The following HKDC1 variants were observed in gnomAD, a reference collection of about 807,000 sequenced individuals.
HKDC1 encodes hexokinase domain containing 1.
HKDC1 carries 66 observed loss-of-function variants against 96.6 expected under a neutral mutation model. The observed-to-expected ratio is 0.68, with a 90% CI of 0.56 to 0.84. The LOEUF (loss-of-function observed/expected upper bound fraction) is 0.84. HKDC1 is among the 40% of genes least tolerant of loss of function. The probability of loss-of-function intolerance (pLI) is 0.00; values close to 1 mark genes in which losing one functional copy is unlikely to be tolerated. For missense variants in HKDC1, 1,211 were observed against 1,208.1 expected, an observed-to-expected ratio of 1.00 and a Z score of -0.04; for synonymous variants, 466 against 473.1, an observed-to-expected ratio of 0.98 and a Z score of 0.20.
chr10:69,263,947 G>T (rs1370911385), intron 16 of HKDC1, among the ~76,000 whole-genome samples: 1 of 152,238 alleles, frequency 6.6e-6, no homozygotes, highest in East Asian at 1.9e-4. Flanking sequence ...GGCCAAGGCA[G>T]GCAGATCACC....
intron 12 of HKDC1, among the ~76,000 whole-genome samples, chr10:69,251,087 C>CT (rs869084452): frequency 0.16 from 14,661 of 92,534 alleles, 1,604 homozygotes; most frequent in Non-Finnish European, 0.22. Context: ...AAATACATTT[C>CT]TTTTTTTTTT....
At chr10:69,241,346 G>A (rs1404957770) in intron 6 of HKDC1, among the ~76,000 whole-genome samples, 2 of 152,190 alleles carry the variant, frequency 1.3e-5, no homozygotes, top group South Asian at 2.1e-4. Flanking sequence ...GGCCATTCAA[G>A]TGAGAGGCAG....
intron 5 of HKDC1, 90 bp downstream of exon 5, chr10:69,239,227 C>A: frequency 2.4e-6 from 2 of 825,740 alleles, no homozygotes; most frequent in Non-Finnish European, 4.0e-6. Flanking sequence ...GAGGGGGTCA[C>A]ATATGGTGCC....
chr10:69,261,215 C>T lies in HKDC1; in HGVS notation c.2293C>T (p.Leu765Phe), dbSNP rs771181933. The T allele has an allele frequency of 5.6e-6, 9 of 1,613,930 alleles. No homozygotes were observed. In the Admixed American group the frequency reaches 6.7e-5, roughly 12 times the overall value. ...CCTGATCGACCTGACCAAGCAGGGTCTCCTCTTCCGAGGGCAGATTTCAGA... is the reference window on the plus strand; with the variant it reads ...CCTGATCGACCTGACCAAGCAGGGTTTCCTCTTCCGAGGGCAGATTTCAGA... ...QILIDLTKQG[L>F]LFRGQISERL... The change falls in exon 16 of 18, where the codon CTC (leucine) becomes TTC (phenylalanine). Residue 765 changes from leucine (L) to phenylalanine (F), a missense_variant. By Grantham distance (22) the Leu-to-Phe change is conservative. Coordinates refer to ENST00000354624, the MANE Select transcript of HKDC1 (RefSeq NM_025130.4).
chr10:69,248,004 TGGGAAG>T (rs1268107448), intron 9 of HKDC1, among the ~76,000 whole-genome samples: 1 of 152,150 alleles, frequency 6.6e-6, no homozygotes, highest in African/African-American at 2.4e-5. Context: ...GCCAAGATTA[TGGGAAG>T]GGTCCTGGTA....
At chr10:69,243,598 G>GC (rs1279105181) in intron 7 of HKDC1, among the ~76,000 whole-genome samples, 1 of 149,680 alleles carries the variant, frequency 6.7e-6, no homozygotes, top group Non-Finnish European at 1.5e-5. Flanking sequence ...CCAGGCTCAA[G>GC]CAATCCTCCC....
At chr10:69,220,627 G>A in intron 1 of HKDC1, 129 bp downstream of exon 1, 1 of 581,382 alleles carries the variant, frequency 1.7e-6, no homozygotes, top group Non-Finnish European at 2.9e-6. Flanking sequence ...CATATGACCA[G>A]TAAAAGACTC....
At chr10:69,251,016 A>T (rs538029234) in intron 12 of HKDC1, among the ~76,000 whole-genome samples, 1 of 152,108 alleles carries the variant, frequency 6.6e-6, no homozygotes, top group East Asian at 1.9e-4. Flanking sequence ...AGCCATGTAA[A>T]CAGGGAATTA....
At chr10:69,245,570 C>CAACAAT (rs1554868304) in intron 7 of HKDC1, among the ~76,000 whole-genome samples, 64 of 139,386 alleles carry the variant, frequency 4.6e-4, no homozygotes, top group African/African-American at 1.7e-3. Context: ...ATCCTGTCTC[C>CAACAAT]AATAATAATA....
chr10:69,252,368 G>A (rs986235070), intron 12 of HKDC1, among the ~76,000 whole-genome samples: 31 of 151,940 alleles, frequency 2.0e-4, no homozygotes, highest in African/African-American at 7.0e-4. Context: ...CAAACAGGCC[G>A]GGAGCGGTGG....
intron 1 of HKDC1, chr10:69,225,731 C>G (rs1304238515): frequency 6.6e-6 from 1 of 152,192 alleles, no homozygotes; most frequent in Non-Finnish European, 1.5e-5. Flanking sequence ...GAGCTGTGAG[C>G]CAAAGCCAGG....
intron 10 of HKDC1, among the ~76,000 whole-genome samples, chr10:69,249,456 C>T (rs1843600120): frequency 1.3e-5 from 2 of 152,246 alleles, no homozygotes; most frequent in South Asian, 4.2e-4. Context: ...TACTTGGGAT[C>T]TCTTAACTGA....
At chr10:69,223,524 G>A (rs2132327311) in intron 1 of HKDC1, among the ~76,000 whole-genome samples, 1 of 150,792 alleles carries the variant, frequency 6.6e-6, no homozygotes, top group East Asian at 1.9e-4. Context: ...TCCTCTTGTT[G>A]GACATTTGGA....
intron 1 of HKDC1, 151 bp from the exon 2 acceptor site, chr10:69,227,056 A>C: frequency 1.3e-6 from 1 of 757,686 alleles, no homozygotes; most frequent in Non-Finnish European, 2.2e-6. Flanking sequence ...CTGCCTGAGG[A>C]GGGGTCAGAT....
At chr10:69,237,003 G>A (rs1843372487) in intron 4 of HKDC1, among the ~76,000 whole-genome samples, 1 of 152,148 alleles carries the variant, frequency 6.6e-6, no homozygotes, top group Admixed American at 6.6e-5. Context: ...CTGCAGGAGT[G>A]GGTTCGGTAA....
At chr10:69,242,898 G>A (rs1042808020) in intron 6 of HKDC1, among the ~76,000 whole-genome samples, 14 of 152,176 alleles carry the variant, frequency 9.2e-5, no homozygotes, top group African/African-American at 3.1e-4. Context: ...TTGTAAGAGC[G>A]CTTCGTCAGC....
Position 69,233,001 on chromosome 10 carries a change from C to A in HKDC1, c.376-13C>A. 6.2e-7 allele frequency: 1 copy of A among 1,613,790 alleles called. No homozygotes were observed. Among genetic ancestry groups the A allele is most frequent in the Non-Finnish European group, 8.5e-7 (1 of 1,180,050 alleles). Reference sequence around the variant, plus strand: ...CACCTTAGCCCATGTACTTTGCTTTCTCTTCTCTGCAGCTGTTTGAATATG... The same window carrying A: ...CACCTTAGCCCATGTACTTTGCTTTATCTTCTCTGCAGCTGTTTGAATATG... On this transcript the variant is annotated splice_polypyrimidine_tract_variant and intron_variant, in intron 3 of 17. Transcript: ENST00000354624.
At chr10:69,242,831 C>T (rs2132352609) in intron 6 of HKDC1, among the ~76,000 whole-genome samples, 1 of 152,296 alleles carries the variant, frequency 6.6e-6, no homozygotes, top group Middle Eastern at 3.4e-3. Flanking sequence ...TTCAAAATTA[C>T]CCTGGGTTGG....
In HKDC1 at chr10:69,239,766, C is replaced by CTTT. The variant is rs33937984; in HGVS notation, c.591+645_591+647dup. 2.2e-3 allele frequency among the ~76,000 whole-genome samples: 280 copies of CTTT among 126,640 alleles called. 11 individuals are homozygous for CTTT. The highest frequency in any genetic ancestry group is 0.012 in the East Asian group (51 of 4,300). The allele number at this position is 126,640 out of a possible 152,430, so 83.1% of individuals were successfully genotyped here. On this transcript the variant is annotated intron_variant, in intron 5 of 17. Coordinates refer to ENST00000354624, the MANE Select transcript of HKDC1 (RefSeq NM_025130.4). The stretch of plus-strand genomic sequence containing the variant: ...ATTTTCCCTTATTGTTTTCATTTTA[C>CTTT]TTTTTTTTTTTTTTTTTTAGAGATG...
Sources: allele counts gnomAD v4.1 joint callset (sites outside exome capture counted in the v4.1 genomes callset), GRCh38; gene constraint gnomAD v4.1.1; transcripts MANE v1.5; gene names NCBI Gene and HGNC (gene_info 2026-07-23, HGNC 2026-07-21).